Variants in SMURF1 observed in about 807,000 individuals in gnomAD.
SMURF1 encodes SMAD specific E3 ubiquitin protein ligase 1, also known as E3 ubiquitin-protein ligase SMURF1.
SMURF1 carries 44 observed loss-of-function variants against 98.0 expected under a neutral mutation model. That is an observed-to-expected ratio of 0.45 (90% confidence interval 0.35 to 0.58). SMURF1 has a LOEUF of 0.58. Ranked by LOEUF, SMURF1 falls within the 20% of genes least tolerant of loss-of-function variation. The pLI is 0.00. For missense variants in SMURF1, 687 were observed against 938.4 expected, an observed-to-expected ratio of 0.73 and a Z score of 3.50; for synonymous variants, 396 against 374.9, an observed-to-expected ratio of 1.06 and a Z score of -0.65.
intron 1 of SMURF1, among the ~76,000 whole-genome samples, chr7:99,075,672 C>T (rs1796437945): frequency 2.0e-5 from 3 of 150,994 alleles, no homozygotes; most frequent in Non-Finnish European, 4.4e-5. Context: ...TCATCAGTGT[C>T]ATGTGTAACA....
rs538039612 is a variant in SMURF1 at position 99,121,647 on chromosome 7, T to C, written c.55+22079A>G. Among the ~76,000 whole-genome samples, 12 of 152,354 alleles carry C rather than the reference T, an allele frequency of 7.9e-5. No individual in the cohort carries two copies. In the South Asian group the frequency reaches 2.5e-3, roughly 32 times the overall value. On this transcript the variant is annotated intron_variant, in intron 1 of 17. Transcript: ENST00000361368. ...TTTGATAAACACTCAGCCCAGGAAATGCTTTGGATCGTAGACCACTTAGAA... is the reference window on the plus strand; with the variant it reads ...TTTGATAAACACTCAGCCCAGGAAACGCTTTGGATCGTAGACCACTTAGAA...
chr7:99,045,596 G>A, intron 11 of SMURF1, 102 bp downstream of exon 11: 1 of 929,206 alleles, frequency 1.1e-6, no homozygotes, highest in Admixed American at 2.0e-5. Flanking sequence ...CATCAGCCCT[G>A]CCCAGGAGTG....
At position 99,090,900 on chromosome 7, in the gene SMURF1, G is replaced by T. The variant is rs74476104; in HGVS notation, c.56-29063C>A. On this transcript the variant is annotated intron_variant, in intron 1 of 17. Transcript: ENST00000361368. ...TGCAAGGGTGTAATCCTACAGAGAA[G>T]TTACTCAGGTCTCAAAGTGACAGCT... Among the ~76,000 whole-genome samples, 146 of 152,296 alleles carry T rather than the reference G, an allele frequency of 9.6e-4. 1 individual carries two copies. The East Asian group carries it at 0.022, about 23-fold the overall frequency.
rs556910207 is a variant in SMURF1, at chr7:99,059,355, G to C, written c.203+1244C>G. 6.7e-3 allele frequency among the ~76,000 whole-genome samples: 971 copies of C among 143,860 alleles called. 13 individuals are homozygous for C. The highest frequency in any genetic ancestry group is 0.023 in the African/African-American group (868 of 38,350). 94.4% of individuals were successfully genotyped at this position (143,860 alleles called of 152,430 possible). The stretch of plus-strand genomic sequence containing the variant: ...GGAGCTTGCAGTGAGCCGAGATCCC[G>C]CCACTGCACTCCAGCCTGGGCGACA... On this transcript the variant is annotated intron_variant, in intron 3 of 17. Transcript: ENST00000361368.
chr7:99,070,946 AAT>A (rs142937951), intron 1 of SMURF1, among the ~76,000 whole-genome samples: 23 of 151,568 alleles, frequency 1.5e-4, no homozygotes, highest in Non-Finnish European at 2.5e-4. Flanking sequence ...TTGGAAATAA[AAT>A]ATATATATAT....
chr7:99,057,437 G>T lies in SMURF1; in HGVS notation c.318C>A (p.Ser106Arg). ...TCTTACATCCGGTATCTTTTAATCT[G>T]CTGATGGCATTGGAGAGCAGCCGCA... ...GCVRLLSNAI[S>R]RLKDTGYQRL... is the part of the protein sequence containing the mutation. Residue 106 changes from serine (S) to arginine (R), a missense_variant, in exon 4 of 18, where the codon AGC becomes AGA. Physicochemically the swap from Ser to Arg is moderately radical, Grantham distance 110. Transcript: ENST00000361368. 6.2e-7 allele frequency: 1 copy of T among 1,609,726 alleles called. No homozygotes were observed.
At chr7:99,035,830 A>G in intron 15 of SMURF1, 114 bp from the exon 16 acceptor site, 1 of 979,306 alleles carries the variant, frequency 1.0e-6, no homozygotes, top group African/African-American at 1.6e-5. Flanking sequence ...GCAAAGCAGC[A>G]GCTGTGTACT....
At chr7:99,063,618 A>G (rs1796119858) in intron 1 of SMURF1, among the ~76,000 whole-genome samples, 1 of 151,716 alleles carries the variant, frequency 6.6e-6, no homozygotes, top group Non-Finnish European at 1.5e-5. Context: ...CACACAATTC[A>G]TCCATTTAAA....
chr7:99,139,697 C>G (rs560595423), intron 1 of SMURF1, among the ~76,000 whole-genome samples: 99 of 152,254 alleles, frequency 6.5e-4, no homozygotes, highest in African/African-American at 1.9e-3. Context: ...CAAAAGATCA[C>G]TTGATTCTGG....
In SMURF1 at chr7:99,048,024, G is replaced by A. The variant is rs141125320; in HGVS notation, c.954-142C>T. Reference sequence around the variant, plus strand: ...TTTGTTTCCCTGATGACGTAACCAGGTACCTAGCTAGCTGTGTCAAACTTG... The same window carrying A: ...TTTGTTTCCCTGATGACGTAACCAGATACCTAGCTAGCTGTGTCAAACTTG... On this transcript the variant is annotated intron_variant, in intron 9 of 17. Coordinates refer to ENST00000361368, the MANE Select transcript of SMURF1 (RefSeq NM_181349.3). 663 of 742,002 alleles carry A rather than the reference G, an allele frequency of 8.9e-4. 1 individual carries two copies. Among genetic ancestry groups the A allele is most frequent in the Non-Finnish European group, 1.3e-3 (590 of 443,958 alleles). The allele number at this position is 742,002 out of a possible 1,614,324, so 46.0% of individuals were successfully genotyped here.
intron 1 of SMURF1, among the ~76,000 whole-genome samples, chr7:99,133,856 C>T (rs761352435): frequency 3.9e-5 from 6 of 152,156 alleles, no homozygotes; most frequent in South Asian, 4.1e-4. Flanking sequence ...CATAACAATA[C>T]GGATAAATCT....
intron 1 of SMURF1, among the ~76,000 whole-genome samples, chr7:99,142,638 G>T (rs1486997847): frequency 4.6e-4 from 58 of 125,320 alleles, no homozygotes; most frequent in Middle Eastern, 4.5e-3. Flanking sequence ...AGGACGGTGT[G>T]GGGGGGTGAG....
Position 99,035,632 on chromosome 7 carries a change from T to A in SMURF1, c.1894A>T (p.Ile632Phe). 6.2e-7 allele frequency: 1 copy of A among 1,614,264 alleles called. No individual in the cohort carries two copies. The highest frequency in any genetic ancestry group is 8.5e-7 in the Non-Finnish European group (1 of 1,180,052). ...RLKHCVADSN[I>F]VRWFWQAVET... Reference sequence around the variant, plus strand: ...ACCGCTTGCCAGAACCACCGCACGATGTTGCTGTCGGCCACACAGTGCTTC... The same window carrying A: ...ACCGCTTGCCAGAACCACCGCACGAAGTTGCTGTCGGCCACACAGTGCTTC... The change falls in exon 16 of 18, where the codon ATC (isoleucine) becomes TTC (phenylalanine). Residue 632 changes from isoleucine (I) to phenylalanine (F), a missense_variant. By Grantham distance (21) the Ile-to-Phe change is conservative (BLOSUM62 0). Coordinates refer to ENST00000361368, the MANE Select transcript of SMURF1 (RefSeq NM_181349.3).
At chr7:99,050,998 G>A (rs1161172059) in intron 8 of SMURF1, 1 of 1,549,614 alleles carries the variant, frequency 6.5e-7, no homozygotes, top group Admixed American at 2.0e-5. Context: ...AGGGACTGAG[G>A]CAATGGGGAC....
At chr7:99,091,540 G>A (rs889757931) in intron 1 of SMURF1, among the ~76,000 whole-genome samples, 5 of 152,190 alleles carry the variant, frequency 3.3e-5, no homozygotes, top group African/African-American at 1.2e-4. Context: ...GGTGTGGACA[G>A]CTAGAAAGAT....
chr7:99,127,337 GGAGT>G (rs1399721029), intron 1 of SMURF1, among the ~76,000 whole-genome samples: 6 of 151,986 alleles, frequency 3.9e-5, no homozygotes, highest in Admixed American at 3.9e-4. Context: ...AAAGAGGGAG[GGAGT>G]GAGAAAAGGA....
At chr7:99,113,820 C>CA (rs1797378164) in intron 1 of SMURF1, among the ~76,000 whole-genome samples, 1 of 79,112 alleles carries the variant, frequency 1.3e-5, no homozygotes, top group African/African-American at 5.3e-5. Flanking sequence ...GCCTGGGTGA[C>CA]AAAGTGAGAC....
chr7:99,031,923 C>CGCAAGTGATTGTATTTGT (rs1338778901), intron 17 of SMURF1, among the ~76,000 whole-genome samples: 11 of 152,142 alleles, frequency 7.2e-5, no homozygotes, highest in African/African-American at 2.7e-4. Context: ...ACAAAGTGTA[C>CGCAAGTGATTGTATTTGT]GCAAGTGATT....
chr7:99,054,344 T>C (rs548765172), intron 6 of SMURF1, among the ~76,000 whole-genome samples: 30 of 152,258 alleles, frequency 2.0e-4, no homozygotes, highest in African/African-American at 7.2e-4. Context: ...TCTTGCTCTG[T>C]CACCCAGGCT....
Sources: gnomAD v4.1 joint callset for allele counts (sites outside exome capture counted in the v4.1 genomes callset) on GRCh38, gnomAD v4.1.1 for gene constraint, MANE v1.5 for transcripts, NCBI Gene and HGNC (gene_info 2026-07-23, HGNC 2026-07-21) for gene names.